Variants in GSTZ1 observed in about 807,000 individuals in gnomAD.
The protein encoded by GSTZ1 is glutathione S-transferase zeta 1, also known as maleylacetoacetate isomerase.
GSTZ1 carries 34 observed loss-of-function variants against 35.9 expected under a neutral mutation model. That is an observed-to-expected ratio of 0.95 (90% CI 0.72 to 1.26). The LOEUF (loss-of-function observed/expected upper bound fraction) is 1.26, where lower values mean the gene tolerates loss of function less well. Among genes scored for constraint, GSTZ1 ranks in the 50% most tolerant of loss-of-function variants. GSTZ1 has a pLI of 0.00. For synonymous variants in GSTZ1, 93 were observed against 101.2 expected (o/e 0.92, Z 0.49); for missense variants, 263 against 271.7 (o/e 0.97, Z 0.23).
intron 5 of GSTZ1, 199 bp downstream of exon 5, chr14:77,328,236 G>T: frequency 3.4e-6 from 2 of 595,294 alleles, no homozygotes; most frequent in South Asian, 4.0e-5. Context: ...CCCCCGCTGC[G>T]TTCCGAGAAG....
rs769734443 is a variant in GSTZ1, at chr14:77,326,844, C to T, written c.74C>T (p.Ala25Val). 1 of 1,604,454 alleles carries T rather than the reference C, an allele frequency of 6.2e-7. No individual in the cohort carries two copies. Residue 25 changes from alanine (A) to valine (V), a missense_variant, in exon 3 of 9, where the codon GCC (alanine) becomes GTC (valine). By Grantham distance (64) the Ala-to-Val change is moderately conservative (BLOSUM62 0). Transcript: ENST00000216465. Reference sequence around the variant, plus strand: ...TATGTGCGGTCTCTCCTAGCTCTGGCCTTGAAAGGCATCGACTACGAGACG... The same window carrying T: ...TATGTGCGGTCTCTCCTAGCTCTGGTCTTGAAAGGCATCGACTACGAGACG... ...SCSWRVRIAL[A>V]LKGIDYETVP... is the part of the protein sequence containing the mutation.
At chr14:77,321,277 C>G (rs757011808) in intron 1 of GSTZ1, 94 bp downstream of exon 1, 3 of 1,520,646 alleles carry the variant, frequency 2.0e-6, no homozygotes, top group South Asian at 2.4e-5. Flanking sequence ...CCCGCCCAGG[C>G]CGACAACGAC....
chr14:77,322,203 G>A (rs574461133), intron 1 of GSTZ1, among the ~76,000 whole-genome samples: 1 of 152,310 alleles, frequency 6.6e-6, no homozygotes, highest in South Asian at 2.1e-4. Context: ...GTAAGACATG[G>A]TTTAAAAATA....
chr14:77,327,865 C>T (rs2139576366), intron 4 of GSTZ1, 47 bp from the exon 5 acceptor site: 2 of 1,604,594 alleles, frequency 1.2e-6, no homozygotes, highest in Non-Finnish European at 1.7e-6. Flanking sequence ...CCCTCTGGTC[C>T]AGGGGTCCTG....
Position 77,322,797 on chromosome 14 carries a change from C to T in GSTZ1, c.15+1614C>T, listed in dbSNP as rs28411135. 5.9e-4 allele frequency: 433 copies of T among 727,968 alleles called. 3 individuals carry two copies. In the African/African-American group the frequency reaches 7.4e-3, roughly 12 times the overall value. 45.1% of individuals were successfully genotyped at this position (727,968 alleles called of 1,614,324 possible). The stretch of plus-strand genomic sequence containing the variant: ...CATCTTGGAAGGGCCTAGGTTCCCA[C>T]TTACACCCTTGCCATCTAGCAGACT... On this transcript the variant is annotated intron_variant, in intron 1 of 8. Coordinates refer to ENST00000216465, the MANE Select transcript of GSTZ1 (RefSeq NM_145870.3).
chr14:77,329,160 A>C lies in GSTZ1; in HGVS notation c.380A>C (p.Gln127Pro), dbSNP rs774911182. 1 of 1,613,394 alleles carries C rather than the reference A, an allele frequency of 6.2e-7. No individual in the cohort carries two copies. The highest frequency in any genetic ancestry group is 8.5e-7 in the Non-Finnish European group (1 of 1,179,250). Residue 127 changes from glutamine to proline, a missense_variant, in exon 6 of 9, where the codon CAG becomes CCG. Physicochemically the swap from Gln to Pro is moderately conservative, Grantham distance 76 (BLOSUM62 -1). Coordinates refer to ENST00000216465, the MANE Select transcript of GSTZ1 (RefSeq NM_145870.3). ...CTGAAGCAAGTGGGAGAGGAGATGC[A>C]GCTGACCTGGGCCCAGAACGCCATC... ...SVLKQVGEEM[Q>P]LTWAQNAITC...
At chr14:77,326,481 G>C (rs2270422) in intron 2 of GSTZ1, 70,980 of 202,754 alleles carry the variant, frequency 0.35, 14,213 homozygotes, top group East Asian at 0.51. Flanking sequence ...TAAGGCCCTG[G>C]GGGGGCAGAG....
rs377007078 is a variant in GSTZ1 at position 77,329,873 on chromosome 14, C to A, written c.474+66C>A. On this transcript the variant is annotated intron_variant, in intron 7 of 8. Transcript: ENST00000216465. ...CTGCCTCCCTCATGCTGACCTCCCT[C>A]AAGCTCAGAGCTTCCTGAGAAGGCG... 3.0e-4 allele frequency: 366 copies of A among 1,215,774 alleles called. 1 individual carries two copies. Among genetic ancestry groups the A allele is most frequent in the Non-Finnish European group, 3.4e-4 (275 of 816,892 alleles). 75.3% of individuals were successfully genotyped at this position (1,215,774 alleles called of 1,614,324 possible).
chr14:77,328,060 C>G (rs750554466), intron 5 of GSTZ1, 23 bp downstream of exon 5: 8 of 1,601,226 alleles, frequency 5.0e-6, no homozygotes, highest in Admixed American at 1.7e-5. Flanking sequence ...TACACTTGCA[C>G]CCTTGCACAC....
At chr14:77,328,854 A>G (rs1204091802) in intron 5 of GSTZ1, 1 of 524,422 alleles carries the variant, frequency 1.9e-6, no homozygotes, top group Non-Finnish European at 3.5e-6. Context: ...GTCCTGTGTC[A>G]CATGAATAGG....
chr14:77,326,754 T>G, intron 2 of GSTZ1, 84 bp from the exon 3 acceptor site: 1 of 1,008,326 alleles, frequency 9.9e-7, no homozygotes, highest in Non-Finnish European at 1.5e-6. Context: ...CTCTTTGGCC[T>G]TAATGTCACC....
At position 77,329,019 on chromosome 14, in the gene GSTZ1, C is replaced by G. The variant is rs1056700671; in HGVS notation, c.343-104C>G. On this transcript the variant is annotated intron_variant, in intron 5 of 8. Transcript: ENST00000216465. ...GCCTGGGGGAGAAGGGATAGACATC[C>G]AGCCAGGGGCAGATGGGAAGTGAAC... 13 of 836,180 alleles carry G rather than the reference C, an allele frequency of 1.6e-5. No homozygotes were observed. In the African/African-American group the frequency reaches 2.0e-4, roughly 13 times the overall value. The allele number at this position is 836,180 out of a possible 1,614,324, so 51.8% of individuals were successfully genotyped here. A position where few individuals can be genotyped will look rare whatever the true frequency, so the allele number is the denominator to read the frequency against.
At position 77,330,325 on chromosome 14, in the gene GSTZ1, C is replaced by CT; in HGVS notation, c.491dup (p.Cys165ValfsTer10). ...CCTCTTTCAGGTGACCATGGCTGAT[C>CT]TGTGCTTGGTGCCTCAGGTGGCAAA... On this transcript the variant is annotated frameshift_variant, in exon 8 of 9. Transcript: ENST00000216465. LOFTEE classifies it high-confidence loss of function. 6.2e-7 allele frequency: 1 copy of CT among 1,613,698 alleles called. No homozygotes were observed. The highest frequency in any genetic ancestry group is 8.5e-7 in the Non-Finnish European group (1 of 1,179,572).
intron 1 of GSTZ1, chr14:77,324,545 C>G: frequency 6.7e-7 from 1 of 1,501,038 alleles, no homozygotes; most frequent in South Asian, 1.2e-5. Context: ...TTTCCTTTCC[C>G]TGCTCAGAAG....
At chr14:77,325,132 G>A (rs1005922338) in intron 2 of GSTZ1, 35 of 578,438 alleles carry the variant, frequency 6.1e-5, no homozygotes, top group Non-Finnish European at 8.8e-5. Context: ...GAAGGGGGTT[G>A]TTTTTTCCCT....
At position 77,331,367 on chromosome 14, in the gene GSTZ1, T is replaced by C. The variant is rs1892620300; in HGVS notation, c.*172T>C. Reference sequence around the variant, plus strand: ...TCAGTCCCCTCATCTGTCACACGCATGTGGGGTGGAGTAGGGAGATGCGGG... The same window carrying C: ...TCAGTCCCCTCATCTGTCACACGCACGTGGGGTGGAGTAGGGAGATGCGGG... On this transcript the variant is annotated 3_prime_UTR_variant, in exon 9 of 9. Transcript: ENST00000216465. 3 of 709,578 alleles carry C rather than the reference T, an allele frequency of 4.2e-6. No homozygotes were observed. Among genetic ancestry groups the C allele is most frequent in the African/African-American group, 1.8e-5 (1 of 56,186 alleles). The allele number at this position is 709,578 out of a possible 1,614,324, so 44.0% of individuals were successfully genotyped here. A position where few individuals can be genotyped will look rare whatever the true frequency, so the allele number is the denominator to read the frequency against.
intron 4 of GSTZ1, 23 bp downstream of exon 4, chr14:77,327,575 GGCCCTCATGAGAGCAGT>G: frequency 2.0e-6 from 3 of 1,517,498 alleles, no homozygotes; most frequent in South Asian, 2.3e-5. Flanking sequence ...CCTGGGGGAG[GGCCCTCATGAGAGCAGT>G]GCCCTGAATG....
chr14:77,321,430 G>A (rs1260128499), intron 1 of GSTZ1: 9 of 1,525,802 alleles, frequency 5.9e-6, no homozygotes, highest in African/African-American at 1.4e-5. Flanking sequence ...TCGCTGTCCG[G>A]TCGCGCTTCA....
intron 2 of GSTZ1, chr14:77,326,433 A>C (rs1479028522): frequency 6.0e-6 from 1 of 166,574 alleles, no homozygotes. Context: ...TGAGGGAGTA[A>C]TTGCATGTCT....
Sources: allele counts gnomAD v4.1 joint callset (sites outside exome capture counted in the v4.1 genomes callset), GRCh38; gene constraint gnomAD v4.1.1; transcripts MANE v1.5; gene names NCBI Gene and HGNC (gene_info 2026-07-23, HGNC 2026-07-21).